SDR42E1: variants seen among roughly 807,000 people sequenced by gnomAD.
SDR42E1 encodes short chain dehydrogenase/reductase family 42E, member 1.
SDR42E1 carries 5 observed loss-of-function variants against 2.6 expected under a neutral mutation model. That is an observed-to-expected ratio of 1.94 (90% CI 1.01 to 4.08). The LOEUF (loss-of-function observed/expected upper bound fraction) is 4.08. Ranked by LOEUF, SDR42E1 falls within the 30% of genes most tolerant of loss-of-function variation. SDR42E1 has a pLI of 0.00. For synonymous variants in SDR42E1, 231 were observed against 188.3 expected, an observed-to-expected ratio of 1.23 and a Z score of -1.86; for missense variants, 596 against 478.6, an observed-to-expected ratio of 1.25 and a Z score of -2.29.
At chr16:82,000,945 T>G in intron 1 of SDR42E1, 61 bp from the exon 2 acceptor site, 2 of 1,231,482 alleles carry the variant, frequency 1.6e-6, no homozygotes, top group Non-Finnish European at 2.3e-6. Context: ...TCTCCCTAAT[T>G]TTGACCTAAC....
At chr16:82,001,846 G>A (rs958713436) in intron 1 of SDR42E1, among the ~76,000 whole-genome samples, 3 of 149,764 alleles carry the variant, frequency 2.0e-5, no homozygotes, top group East Asian at 2.0e-4. Flanking sequence ...AGCTGGCAAT[G>A]AGCGAAGATC....
At chr16:82,000,458 T>A (rs1425730704) in intron 2 of SDR42E1, 1 of 670,496 alleles carries the variant, frequency 1.5e-6, no homozygotes, top group East Asian at 2.8e-5. Context: ...CAAAGAATGG[T>A]GGCATTTTTC....
chr16:82,005,650 C>G (rs983969940), intron 1 of SDR42E1, among the ~76,000 whole-genome samples: 11 of 152,166 alleles, frequency 7.2e-5, no homozygotes, highest in African/African-American at 2.7e-4. Flanking sequence ...TAATTAGTTT[C>G]TATCTGATTC....
rs1008927953 is a variant in SDR42E1, at chr16:81,990,339, C to A, written c.*8772G>T. On this transcript the variant is annotated 3_prime_UTR_variant, in exon 3 of 3. Transcript: ENST00000328945. ...AAAGCCACGGTAAATAAACTAATAC[C>A]TGTTATATGGCAGGAAATCAATGAA... 1 of 152,230 alleles carries A rather than the reference C, an allele frequency of 6.6e-6. No individual in the cohort carries two copies. The allele number at this position is 152,230 out of a possible 1,614,324, so 9.4% of individuals were successfully genotyped here. A position where few individuals can be genotyped will look rare whatever the true frequency, so the allele number is the denominator to read the frequency against.
intron 1 of SDR42E1, among the ~76,000 whole-genome samples, chr16:82,001,959 T>TAC (rs200680543): frequency 0.017 from 2,188 of 131,098 alleles, 50 homozygotes; most frequent in African/African-American, 0.081. Flanking sequence ...ACTGGGTGCG[T>TAC]ATACACACAC....
In SDR42E1 at chr16:81,995,658, C is replaced by T. The variant is rs1912525132; in HGVS notation, c.*3453G>A. On this transcript the variant is annotated 3_prime_UTR_variant, in exon 3 of 3. Transcript: ENST00000328945. ...TCCCCAGTCTCCAAAAGATTAGAAA[C>T]AGTGAGTTATCTGTGTGCTAGAAAA... The T allele has an allele frequency of 6.6e-6, 1 of 152,200 alleles. No individual in the cohort carries two copies. The highest frequency in any genetic ancestry group is 1.5e-5 in the Non-Finnish European group (1 of 68,038). 9.4% of individuals were successfully genotyped at this position (152,200 alleles called of 1,614,324 possible). A position where few individuals can be genotyped will look rare whatever the true frequency, so the allele number is the denominator to read the frequency against.
intron 1 of SDR42E1, 117 bp downstream of exon 1, chr16:82,011,270 G>C (rs1162651686): frequency 6.6e-6 from 1 of 152,264 alleles, no homozygotes; most frequent in Admixed American, 6.5e-5. Flanking sequence ...ACCCTGCTCA[G>C]TCATTCACCA....
chr16:82,006,737 T>A (rs577683571), intron 1 of SDR42E1, among the ~76,000 whole-genome samples: 1 of 152,266 alleles, frequency 6.6e-6, no homozygotes, highest in South Asian at 2.1e-4. Flanking sequence ...GAGGTTGCAG[T>A]GAGTGCAGAC....
At chr16:82,001,382 T>C (rs999424445) in intron 1 of SDR42E1, among the ~76,000 whole-genome samples, 3 of 151,954 alleles carry the variant, frequency 2.0e-5, no homozygotes, top group African/African-American at 7.3e-5. Context: ...ACTTAAAAAA[T>C]ATGTATATGG....
rs1912605319 is a variant in SDR42E1 at position 81,998,477 on chromosome 16, A to ATG, written c.*632_*633dup. On this transcript the variant is annotated 3_prime_UTR_variant, in exon 3 of 3. Coordinates refer to ENST00000328945, the MANE Select transcript of SDR42E1 (RefSeq NM_145168.3). ...CTATGTGTGTTGAGGAGCGCTTTGT[A>ATG]TGCTTGAATTTAATCCTCAAAAGAA... The ATG allele has an allele frequency of 6.5e-6, 1 of 152,680 alleles. No individual in the cohort carries two copies. The highest frequency in any genetic ancestry group is 1.5e-5 in the Non-Finnish European group (1 of 68,442). 9.5% of individuals were successfully genotyped at this position (152,680 alleles called of 1,614,324 possible). A position where few individuals can be genotyped will look rare whatever the true frequency, so the allele number is the denominator to read the frequency against.
Position 81,997,768 on chromosome 16 carries a change from A to G in SDR42E1, c.*1343T>C, listed in dbSNP as rs547180849. 1 of 152,158 alleles carries G rather than the reference A, an allele frequency of 6.6e-6. No individual in the cohort carries two copies. Among genetic ancestry groups the G allele is most frequent in the African/African-American group, 2.4e-5 (1 of 41,432 alleles). The allele number at this position is 152,158 out of a possible 1,614,324, so 9.4% of individuals were successfully genotyped here. On this transcript the variant is annotated 3_prime_UTR_variant, in exon 3 of 3. Transcript: ENST00000328945. ...CAAATGCAGTCAGTCCCAGCTCCCA[A>G]GTGAGGAAGCTAAGTTCTAAAGGGC...
At position 81,995,179 on chromosome 16, in the gene SDR42E1, A is replaced by C. The variant is rs549299956; in HGVS notation, c.*3932T>G. On this transcript the variant is annotated 3_prime_UTR_variant, in exon 3 of 3. Transcript: ENST00000328945. Reference sequence around the variant, plus strand: ...CCTTCATTGCGACCCTCCATCAATCATATGGATAACCTCCCACACACTCCT... The same window carrying C: ...CCTTCATTGCGACCCTCCATCAATCCTATGGATAACCTCCCACACACTCCT... 3 of 152,376 alleles carry C rather than the reference A, an allele frequency of 2.0e-5. No individual in the cohort carries two copies. The highest frequency in any genetic ancestry group is 7.2e-5 in the African/African-American group (3 of 41,566). 9.4% of individuals were successfully genotyped at this position (152,376 alleles called of 1,614,324 possible).
At position 81,993,853 on chromosome 16, in the gene SDR42E1, T is replaced by C. The variant is rs1270701454; in HGVS notation, c.*5258A>G. ...CTTAAAGGTATGTTGGTGCCAAATATACATGATTTGAATAAACGTAATTCA... is the reference window on the plus strand; with the variant it reads ...CTTAAAGGTATGTTGGTGCCAAATACACATGATTTGAATAAACGTAATTCA... On this transcript the variant is annotated 3_prime_UTR_variant, in exon 3 of 3. Transcript: ENST00000328945. The C allele has an allele frequency of 6.6e-6, 1 of 152,174 alleles. No homozygotes were observed. Among genetic ancestry groups the C allele is most frequent in the Admixed American group, 6.5e-5 (1 of 15,272 alleles). The allele number at this position is 152,174 out of a possible 1,614,324, so 9.4% of individuals were successfully genotyped here. A position where few individuals can be genotyped will look rare whatever the true frequency, so the allele number is the denominator to read the frequency against.
chr16:82,004,457 A>G (rs558081801), intron 1 of SDR42E1, among the ~76,000 whole-genome samples: 1 of 152,218 alleles, frequency 6.6e-6, no homozygotes, highest in Non-Finnish European at 1.5e-5. Flanking sequence ...GCCTGGGGTG[A>G]GCCTGGAGAC....
rs1289931779 is a variant in SDR42E1, at chr16:81,994,640, A to G, written c.*4471T>C. 1 of 152,230 alleles carries G rather than the reference A, an allele frequency of 6.6e-6. No homozygotes were observed. The highest frequency in any genetic ancestry group is 1.9e-4 in the East Asian group (1 of 5,194). The allele number at this position is 152,230 out of a possible 1,614,324, so 9.4% of individuals were successfully genotyped here. ...GCAAGAGATGCTGGTGAAGATTTTAATAACATTGCTGGTGCTGGCTTCCAA... is the reference window on the plus strand; with the variant it reads ...GCAAGAGATGCTGGTGAAGATTTTAGTAACATTGCTGGTGCTGGCTTCCAA... On this transcript the variant is annotated 3_prime_UTR_variant, in exon 3 of 3. Transcript: ENST00000328945.
chr16:82,010,220 G>T (rs1418784319), intron 1 of SDR42E1, among the ~76,000 whole-genome samples: 1 of 152,180 alleles, frequency 6.6e-6, no homozygotes, highest in South Asian at 2.1e-4. Flanking sequence ...TAAGCCTCAG[G>T]ACAATCTTCC....
At position 81,994,144 on chromosome 16, in the gene SDR42E1, G is replaced by A. The variant is rs1450752583; in HGVS notation, c.*4967C>T. 1 of 152,152 alleles carries A rather than the reference G, an allele frequency of 6.6e-6. No individual in the cohort carries two copies. 9.4% of individuals were successfully genotyped at this position (152,152 alleles called of 1,614,324 possible). On this transcript the variant is annotated 3_prime_UTR_variant, in exon 3 of 3. Transcript: ENST00000328945. ...TAAGCAGAAAAGAAAGTGAACTGAAGACTCACGTGAGAGGACGATCTGGAA... is the reference window on the plus strand; with the variant it reads ...TAAGCAGAAAAGAAAGTGAACTGAAAACTCACGTGAGAGGACGATCTGGAA...
chr16:81,998,791 G>T lies in SDR42E1; in HGVS notation c.*320C>A, dbSNP rs1912619283. The T allele has an allele frequency of 3.2e-6, 1 of 316,274 alleles. No individual in the cohort carries two copies. Among genetic ancestry groups the T allele is most frequent in the African/African-American group, 2.2e-5 (1 of 46,068 alleles). The allele number at this position is 316,274 out of a possible 1,614,324, so 19.6% of individuals were successfully genotyped here. A position where few individuals can be genotyped will look rare whatever the true frequency, so the allele number is the denominator to read the frequency against. On this transcript the variant is annotated 3_prime_UTR_variant, in exon 3 of 3. Transcript: ENST00000328945. ...CATAAAATGGAAATAAGTATATCTT[G>T]CCCTCTCAGAAATTCAAGATGGGCA...
chr16:81,999,058 T>G lies in SDR42E1; in HGVS notation c.*53A>C. On this transcript the variant is annotated 3_prime_UTR_variant, in exon 3 of 3. Coordinates refer to ENST00000328945, the MANE Select transcript of SDR42E1 (RefSeq NM_145168.3). Reference sequence around the variant, plus strand: ...CACTGTACACATTTTAAAACCCATGTTTCTTGAGAACCATCTCAGCCAACT... The same window carrying G: ...CACTGTACACATTTTAAAACCCATGGTTCTTGAGAACCATCTCAGCCAACT... The G allele has an allele frequency of 6.4e-7, 1 of 1,555,166 alleles. No individual in the cohort carries two copies. The highest frequency in any genetic ancestry group is 2.2e-5 in the East Asian group (1 of 44,558).
Sources: gnomAD v4.1 joint callset for allele counts (sites outside exome capture counted in the v4.1 genomes callset) on GRCh38, gnomAD v4.1.1 for gene constraint, MANE v1.5 for transcripts, NCBI Gene and HGNC (gene_info 2026-07-23, HGNC 2026-07-21) for gene names.